RBFOX1: variants seen among roughly 807,000 people sequenced by gnomAD.
RBFOX1 encodes RNA binding fox-1 homolog 1.
A neutral mutation model predicts 57.7 loss-of-function variants in RBFOX1; 8 were observed. The ratio of observed to expected loss-of-function variants is 0.14; its 90% CI spans 0.08 to 0.25. The LOEUF is 0.25. RBFOX1 is among the 10% of genes least tolerant of loss of function. RBFOX1 has a pLI of 1.00. For synonymous variants in RBFOX1, 326 were observed against 222.4 expected (o/e 1.47, Z -4.15); for missense variants, 611 against 548.5 (o/e 1.11, Z -1.14).
intron 3 of RBFOX1, among the ~76,000 whole-genome samples, chr16:6,816,775 T>G (rs530102688): frequency 6.6e-6 from 1 of 151,506 alleles, no homozygotes; most frequent in Admixed American, 6.6e-5. Context: ...AACAGGGTGT[T>G]GTTCTGTTAC....
chr16:6,949,965 G>C (rs1395397985), intron 3 of RBFOX1, among the ~76,000 whole-genome samples: 2 of 143,402 alleles, frequency 1.4e-5, no homozygotes, highest in Non-Finnish European at 1.5e-5. Flanking sequence ...GTTGTTTTTT[G>C]GTACAGAGTC....
intron 12 of RBFOX1, 71 bp from the exon 13 acceptor site, chr16:7,664,858 G>T: frequency 6.2e-7 from 1 of 1,613,436 alleles, no homozygotes; most frequent in African/African-American, 1.3e-5. Context: ...CCTCGCCAGT[G>T]CAGGGGTTGG....
chr16:5,985,984 T>G (rs1442141429), intron 4 of RBFOX1, among the ~76,000 whole-genome samples: 2 of 152,160 alleles, frequency 1.3e-5, no homozygotes, highest in Non-Finnish European at 2.9e-5. Flanking sequence ...TAGAGAGACA[T>G]TTATTTTATA....
At chr16:7,650,888 G>A (rs764076785) in intron 11 of RBFOX1, among the ~76,000 whole-genome samples, 9 of 152,108 alleles carry the variant, frequency 5.9e-5, no homozygotes, top group Non-Finnish European at 1.2e-4. Flanking sequence ...TGAAGCAAGC[G>A]TCTCATCTCT....
chr16:6,462,120 T>C (rs781383302), intron 2 of RBFOX1, among the ~76,000 whole-genome samples: 4 of 152,194 alleles, frequency 2.6e-5, no homozygotes, highest in Non-Finnish European at 5.9e-5. Flanking sequence ...ATCCTTATAT[T>C]AGTCATTTGA....
intron 4 of RBFOX1, among the ~76,000 whole-genome samples, chr16:7,092,539 C>G (rs932520239): frequency 1.3e-5 from 2 of 152,120 alleles, no homozygotes; most frequent in Non-Finnish European, 2.9e-5. Flanking sequence ...CTTATTTAAC[C>G]AATTCTTTGA....
At chr16:5,891,885 G>A (rs2058052379) in intron 4 of RBFOX1, among the ~76,000 whole-genome samples, 1 of 152,172 alleles carries the variant, frequency 6.6e-6, no homozygotes, top group African/African-American at 2.4e-5. Flanking sequence ...AAAAACAACA[G>A]CAGCACACGT....
intron 1 of RBFOX1, among the ~76,000 whole-genome samples, chr16:6,302,992 C>G (rs1184772778): frequency 2.0e-5 from 3 of 152,164 alleles, no homozygotes; most frequent in African/African-American, 4.8e-5. Flanking sequence ...GTCTCTCATA[C>G]TTGGGGCAGA....
chr16:6,636,108 C>T (rs188411172), intron 2 of RBFOX1, among the ~76,000 whole-genome samples: 131 of 152,216 alleles, frequency 8.6e-4, no homozygotes, highest in African/African-American at 2.8e-3. Flanking sequence ...TTGAATTTTC[C>T]ACTTGTGGCA....
chr16:7,178,423 G>A (rs2082082947), intron 4 of RBFOX1, among the ~76,000 whole-genome samples: 1 of 152,188 alleles, frequency 6.6e-6, no homozygotes, highest in Non-Finnish European at 1.5e-5. Context: ...GTTCGCAGGA[G>A]GAGAGAGAAA....
At chr16:5,394,479 A>G (rs745438464) in intron 1 of RBFOX1, among the ~76,000 whole-genome samples, 22 of 150,294 alleles carry the variant, frequency 1.5e-4, no homozygotes, top group Non-Finnish European at 2.5e-4. Context: ...TTTGGACTTG[A>G]CCCCTGAAAC....
At chr16:7,198,761 T>C (rs775190676) in intron 4 of RBFOX1, among the ~76,000 whole-genome samples, 1 of 152,202 alleles carries the variant, frequency 6.6e-6, no homozygotes. Flanking sequence ...TCTCGTAATC[T>C]AATCACCTCT....
intron 3 of RBFOX1, among the ~76,000 whole-genome samples, chr16:6,948,238 C>T (rs553525939): frequency 6.6e-6 from 1 of 151,794 alleles, no homozygotes; most frequent in African/African-American, 2.4e-5. Flanking sequence ...TCAAGACCAG[C>T]CTGGGCAATA....
intron 3 of RBFOX1, among the ~76,000 whole-genome samples, chr16:6,944,322 G>C (rs1034437423): frequency 2.0e-5 from 3 of 150,460 alleles, no homozygotes; most frequent in Non-Finnish European, 4.4e-5. Flanking sequence ...TTGAACCGAA[G>C]AGGCGGAGGT....
intron 2 of RBFOX1, among the ~76,000 whole-genome samples, chr16:6,645,396 T>C (rs917898): frequency 0.2 from 29,964 of 151,942 alleles, 3,518 homozygotes; most frequent in African/African-American, 0.3. Context: ...CGTTGTCCGG[T>C]GTTTCTCTCC....
chr16:5,484,590 CAACATAGCG>C (rs2069660032), intron 2 of RBFOX1, among the ~76,000 whole-genome samples: 1 of 152,060 alleles, frequency 6.6e-6, no homozygotes, highest in Non-Finnish European at 1.5e-5. Context: ...CCAGCCTAGG[CAACATAGCG>C]AGACCTTGTC....
chr16:6,428,670 T>G (rs9926449), intron 2 of RBFOX1, among the ~76,000 whole-genome samples: 1,935 of 152,312 alleles, frequency 0.013, 37 homozygotes, highest in African/African-American at 0.043. Context: ...TACTATTATC[T>G]AAAAGCAGCT....
intron 8 of RBFOX1, 31 bp from the exon 9 acceptor site, chr16:7,597,340 A>T (rs2094757281): frequency 6.5e-7 from 1 of 1,542,188 alleles, no homozygotes; most frequent in South Asian, 1.2e-5. Flanking sequence ...GCCCTAGAAT[A>T]TGTGCTTACT....
At chr16:6,409,142 C>T (rs182386984) in intron 2 of RBFOX1, among the ~76,000 whole-genome samples, 2 of 152,294 alleles carry the variant, frequency 1.3e-5, no homozygotes, top group East Asian at 1.9e-4. Context: ...ACTGTCTGGA[C>T]GTGGTGGCTC....
Sources: gnomAD v4.1 joint callset for allele counts (sites outside exome capture counted in the v4.1 genomes callset) on GRCh38, gnomAD v4.1.1 for gene constraint, MANE v1.5 for transcripts, NCBI Gene and HGNC (gene_info 2026-07-23, HGNC 2026-07-21) for gene names.